The following KCNIP4 variants were observed in gnomAD, a reference collection of about 807,000 sequenced individuals.
KCNIP4 encodes Kv channel-interacting protein 4.
In KCNIP4, 12 loss-of-function variants were observed where a neutral mutation model predicts 34.0. The observed-to-expected ratio is 0.35, with a 90% CI of 0.23 to 0.57. The LOEUF (loss-of-function observed/expected upper bound fraction) is 0.57, where lower values mean the gene tolerates loss of function less well. Ranked by LOEUF, KCNIP4 falls within the 20% of genes least tolerant of loss-of-function variation. The pLI is 0.83. For synonymous variants in KCNIP4, 124 were observed against 102.2 expected, an observed-to-expected ratio of 1.21 and a Z score of -1.29; for missense variants, 238 against 311.7, an observed-to-expected ratio of 0.76 and a Z score of 1.78.
chr4:21,254,962 A>G (rs118078639), intron 1 of KCNIP4, among the ~76,000 whole-genome samples: 3,285 of 152,236 alleles, frequency 0.022, 82 homozygotes, highest in East Asian at 0.16. Context: ...AGACTCATCA[A>G]CTGATGAACC....
At chr4:21,821,708 G>A (rs1722361910) in intron 1 of KCNIP4, among the ~76,000 whole-genome samples, 2 of 152,088 alleles carry the variant, frequency 1.3e-5, no homozygotes, top group South Asian at 2.1e-4. Flanking sequence ...ATTATTACCC[G>A]GTTGTCAATA....
intron 1 of KCNIP4, among the ~76,000 whole-genome samples, chr4:21,535,198 C>A (rs1737051184): frequency 6.6e-6 from 1 of 152,158 alleles, no homozygotes; most frequent in African/African-American, 2.4e-5. Context: ...AAGTTCCATT[C>A]AGTAGGCAAG....
intron 2 of KCNIP4, among the ~76,000 whole-genome samples, chr4:20,857,978 G>C (rs745646003): frequency 6.6e-6 from 1 of 151,926 alleles, no homozygotes; most frequent in Non-Finnish European, 1.5e-5. Flanking sequence ...AGAGGCCGAC[G>C]TGGGTGGATC....
chr4:21,120,582 G>A (rs1750073874), intron 1 of KCNIP4, among the ~76,000 whole-genome samples: 1 of 152,208 alleles, frequency 6.6e-6, no homozygotes, highest in Non-Finnish European at 1.5e-5. Context: ...CTTACGTGGT[G>A]ACAGGTGAGA....
intron 1 of KCNIP4, among the ~76,000 whole-genome samples, chr4:21,223,878 T>C (rs1758164444): frequency 6.6e-6 from 1 of 152,026 alleles, no homozygotes; most frequent in South Asian, 2.1e-4. Context: ...TTAGTCATCT[T>C]TGTTCTGTGG....
chr4:21,625,759 A>G (rs1475443096), intron 1 of KCNIP4, among the ~76,000 whole-genome samples: 1 of 152,204 alleles, frequency 6.6e-6, no homozygotes, highest in African/African-American at 2.4e-5. Context: ...TAAATGCTAG[A>G]GGAAATAATG....
intron 1 of KCNIP4, among the ~76,000 whole-genome samples, chr4:21,070,836 C>T (rs746972029): frequency 3.3e-5 from 5 of 151,410 alleles, no homozygotes; most frequent in Admixed American, 6.6e-5. Flanking sequence ...CTACCATGCA[C>T]GGCTAATTTT....
chr4:21,156,603 A>G (rs1434572704), intron 1 of KCNIP4, among the ~76,000 whole-genome samples: 1 of 152,198 alleles, frequency 6.6e-6, no homozygotes, highest in Non-Finnish European at 1.5e-5. Context: ...AGTAGGTGTT[A>G]TTAACATTAC....
chr4:21,480,941 G>T (rs1351915988), intron 1 of KCNIP4, among the ~76,000 whole-genome samples: 1 of 151,936 alleles, frequency 6.6e-6, no homozygotes, highest in Non-Finnish European at 1.5e-5. Flanking sequence ...CTTAAAACAG[G>T]GTGATAGAAT....
In KCNIP4 at chr4:21,881,405, G is replaced by A. The variant is rs865827391; in HGVS notation, c.61+67166C>T. Among the ~76,000 whole-genome samples, 6 of 152,068 alleles carry A rather than the reference G, an allele frequency of 3.9e-5. No individual in the cohort carries two copies. In the East Asian group the frequency reaches 5.8e-4, roughly 15 times the overall value. ...GCAGTGAAAGAAAAATAGTACCCTA[G>A]GATAAAATAGTAAATATTATTTTCA... On this transcript the variant is annotated intron_variant, in intron 1 of 8. Transcript: ENST00000382152.
At chr4:21,702,781 G>A (rs988183816) in intron 1 of KCNIP4, among the ~76,000 whole-genome samples, 3 of 151,856 alleles carry the variant, frequency 2.0e-5, no homozygotes, top group Admixed American at 2.0e-4. Context: ...ACAACAACTA[G>A]AGAAAGACAA....
chr4:21,548,051 T>A (rs1271049340), intron 1 of KCNIP4, among the ~76,000 whole-genome samples: 1 of 152,052 alleles, frequency 6.6e-6, no homozygotes, highest in African/African-American at 2.4e-5. Context: ...TTCTTACATT[T>A]ATTCACACAT....
intron 1 of KCNIP4, among the ~76,000 whole-genome samples, chr4:21,001,524 C>G (rs1462343602): frequency 6.6e-6 from 1 of 152,112 alleles, no homozygotes; most frequent in East Asian, 1.9e-4. Context: ...TTTGAAGTGG[C>G]CTACCTCCTC....
chr4:21,623,814 G>A (rs1440072326), intron 1 of KCNIP4, among the ~76,000 whole-genome samples: 1 of 152,152 alleles, frequency 6.6e-6, no homozygotes, highest in Non-Finnish European at 1.5e-5. Context: ...AGCTTAGGAA[G>A]CTACAGTTTT....
chr4:21,546,079 T>C (rs1050099939), intron 1 of KCNIP4, among the ~76,000 whole-genome samples: 1 of 152,140 alleles, frequency 6.6e-6, no homozygotes, highest in Non-Finnish European at 1.5e-5. Flanking sequence ...ATTGGGGTTT[T>C]GATCAGGATC....
intron 1 of KCNIP4, 47 bp downstream of exon 1, chr4:21,948,524 A>T (rs1730629472): frequency 6.3e-7 from 1 of 1,583,124 alleles, no homozygotes; most frequent in Non-Finnish European, 8.6e-7. Context: ...CTCGCGAGGG[A>T]AGGAGGGCGG....
intron 1 of KCNIP4, among the ~76,000 whole-genome samples, chr4:21,831,828 A>G: frequency 6.6e-6 from 1 of 152,108 alleles, no homozygotes; most frequent in East Asian, 1.9e-4. Context: ...CCCAGATATG[A>G]AAACCAAACA....
chr4:21,440,702 G>A (rs552008485), intron 1 of KCNIP4, among the ~76,000 whole-genome samples: 4 of 152,238 alleles, frequency 2.6e-5, no homozygotes, highest in African/African-American at 7.2e-5. Flanking sequence ...AACTTGATGG[G>A]ATCATACATC....
chr4:21,331,007 G>A (rs560511077), intron 1 of KCNIP4, among the ~76,000 whole-genome samples: 1 of 152,112 alleles, frequency 6.6e-6, no homozygotes, highest in South Asian at 2.1e-4. Context: ...CTCCTAATTT[G>A]TTCCTGTGTC....
Sources: gnomAD v4.1 joint callset for allele counts (sites outside exome capture counted in the v4.1 genomes callset) on GRCh38, gnomAD v4.1.1 for gene constraint, MANE v1.5 for transcripts, NCBI Gene and HGNC (gene_info 2026-07-23, HGNC 2026-07-21) for gene names.